ANKEF1: variants seen among roughly 807,000 people sequenced by gnomAD.
ANKEF1 encodes ankyrin repeat and EF-hand domain-containing protein 1.
In ANKEF1, 43 loss-of-function variants were observed where a neutral mutation model predicts 65.1. The observed-to-expected ratio is 0.66, with a 90% CI of 0.52 to 0.85. ANKEF1 has a LOEUF of 0.85. Ranked by LOEUF, ANKEF1 falls within the 40% of genes least tolerant of loss-of-function variation. The probability of loss-of-function intolerance (pLI) is 0.00; values close to 1 mark genes in which losing one functional copy is unlikely to be tolerated. For missense variants in ANKEF1, 934 were observed against 952.9 expected (o/e 0.98, Z 0.26); for synonymous variants, 316 against 341.5 (o/e 0.93, Z 0.82).
chr20:10,048,718 G>A (rs1984661536), intron 6 of ANKEF1, among the ~76,000 whole-genome samples: 1 of 152,026 alleles, frequency 6.6e-6, no homozygotes, highest in East Asian at 1.9e-4. Context: ...TATAAATGAT[G>A]TTGGAATCAT....
chr20:10,043,989 T>A, intron 4 of ANKEF1, among the ~76,000 whole-genome samples: 1 of 152,032 alleles, frequency 6.6e-6, no homozygotes, highest in Non-Finnish European at 1.5e-5. Context: ...TCACTCTCCT[T>A]ATTTTGAGTT....
At position 10,055,742 on chromosome 20, in the gene ANKEF1, C is replaced by G; in HGVS notation, c.*82C>G. 7.0e-7 allele frequency: 1 copy of G among 1,434,586 alleles called. No homozygotes were observed. Among genetic ancestry groups the G allele is most frequent in the Non-Finnish European group, 9.7e-7 (1 of 1,030,150 alleles). 88.9% of individuals were successfully genotyped at this position (1,434,586 alleles called of 1,614,324 possible). Reference sequence around the variant, plus strand: ...AGAAAGTAGATATTTCCATCAAAGCCAAAGCAATCCATACACCAAGAACTT... The same window carrying G: ...AGAAAGTAGATATTTCCATCAAAGCGAAAGCAATCCATACACCAAGAACTT... On this transcript the variant is annotated 3_prime_UTR_variant, in exon 11 of 11. Transcript: ENST00000378392.
rs755340707 is a variant in ANKEF1, at chr20:10,049,818, G to GA, written c.1254dup (p.Gly419ArgfsTer22). The GA allele has an allele frequency of 3.1e-6, 5 of 1,614,032 alleles. No individual in the cohort carries two copies. Among genetic ancestry groups the GA allele is most frequent in the Non-Finnish European group, 4.2e-6 (5 of 1,179,976 alleles). ...AGGATCGTATGGACCTAAGAAAAAG[G>GA]AAAAAGGGATGGGCAAAAAAGGAAA... On this transcript the variant is annotated frameshift_variant, in exon 7 of 11. Transcript: ENST00000378392. LOFTEE classifies it high-confidence loss of function.
intron 3 of ANKEF1, among the ~76,000 whole-genome samples, chr20:10,038,944 A>G (rs1190448503): frequency 1.3e-5 from 2 of 152,236 alleles, no homozygotes; most frequent in Non-Finnish European, 2.9e-5. Context: ...ATTATTCATT[A>G]TAAATTATAA....
intron 2 of ANKEF1, among the ~76,000 whole-genome samples, chr20:10,036,619 A>G (rs1173133537): frequency 6.6e-6 from 1 of 152,172 alleles, no homozygotes; most frequent in Non-Finnish European, 1.5e-5. Flanking sequence ...AGGCGGGTGG[A>G]TCACCTGAGG....
At chr20:10,053,555 G>A (rs1165801491) in intron 9 of ANKEF1, among the ~76,000 whole-genome samples, 3 of 152,092 alleles carry the variant, frequency 2.0e-5, no homozygotes, top group African/African-American at 7.2e-5. Context: ...AACCAAAACT[G>A]GTGTTGGATT....
Position 10,049,982 on chromosome 20 carries a change from T to G in ANKEF1, c.1413T>G (p.Asp471Glu). 6.2e-7 allele frequency: 1 copy of G among 1,614,086 alleles called. No individual in the cohort carries two copies. The highest frequency in any genetic ancestry group is 8.5e-7 in the Non-Finnish European group (1 of 1,179,970). The part of the protein sequence containing the change: ...NVTDSSRFNR[D>E]HPPEHPIQDD... ...CTGATAGCAGCCGGTTTAATAGAGA[T>G]CATCCCCCAGAACATCCCATTCAGG... Residue 471 changes from aspartate (D) to glutamate (E), a missense_variant, in exon 7 of 11, where the codon GAT becomes GAG. Asp to Glu is a conservative substitution (Grantham distance 45, BLOSUM62 2). Coordinates refer to ENST00000378392, the MANE Select transcript of ANKEF1 (RefSeq NM_022096.6).
intron 4 of ANKEF1, 33 bp downstream of exon 4, chr20:10,043,354 T>G: frequency 6.3e-7 from 1 of 1,583,120 alleles, no homozygotes; most frequent in Non-Finnish European, 8.7e-7. Context: ...AAATATTTCT[T>G]GTTTCAATTA....
chr20:10,054,432 A>T, intron 9 of ANKEF1, 30 bp from the exon 10 acceptor site: 5 of 1,502,150 alleles, frequency 3.3e-6, no homozygotes, highest in Non-Finnish European at 4.4e-6. Context: ...AGATTTTTAC[A>T]ATTTATAATT....
In ANKEF1 at chr20:10,054,579, A is replaced by G. The variant is rs756593396; in HGVS notation, c.2152A>G (p.Ile718Val). 1 of 1,608,378 alleles carries G rather than the reference A, an allele frequency of 6.2e-7. No individual in the cohort carries two copies. Among genetic ancestry groups the G allele is most frequent in the East Asian group, 2.2e-5 (1 of 44,636 alleles). Residue 718 changes from isoleucine (I) to valine (V), a missense_variant, in exon 10 of 11, where the codon ATC becomes GTC. Physicochemically the swap from Ile to Val is conservative, Grantham distance 29 (BLOSUM62 3). Transcript: ENST00000378392. ...ITSGYTKKVD[I>V]TFIPRRIWSP... ...CAGTGGTTATACTAAGAAAGTGGAT[A>G]TCACATTTATTCCACGGAGGGTAAG...
At chr20:10,043,560 A>C (rs549541746) in intron 4 of ANKEF1, among the ~76,000 whole-genome samples, 1 of 152,074 alleles carries the variant, frequency 6.6e-6, no homozygotes, top group African/African-American at 2.4e-5. Context: ...CATTATAGGA[A>C]ATAGTAAAAA....
At chr20:10,038,107 A>G (rs1442565293) in intron 2 of ANKEF1, among the ~76,000 whole-genome samples, 151 bp from the exon 3 acceptor site, 2 of 152,246 alleles carry the variant, frequency 1.3e-5, no homozygotes, top group African/African-American at 4.8e-5. Flanking sequence ...ATGCCCACTC[A>G]ATATTTTTGA....
chr20:10,051,717 C>T lies in ANKEF1; in HGVS notation c.1698C>T (p.Cys566=), dbSNP rs1423826911. The T allele has an allele frequency of 6.2e-7, 1 of 1,613,618 alleles. No homozygotes were observed. Among genetic ancestry groups the T allele is most frequent in the Non-Finnish European group, 8.5e-7 (1 of 1,179,814 alleles). Residue 566 remains cysteine, a synonymous_variant, in exon 8 of 11, where the codon TGC becomes TGT. Coordinates refer to ENST00000378392, the MANE Select transcript of ANKEF1 (RefSeq NM_022096.6). ...TGTGGACTCCACTTCATTTTGCATG[C>T]CATGCAGGCCAACAAGACATTGTTG... ...NFLWTPLHFA[C]HAGQQDIVEL... is the part of the protein sequence containing the mutation.
At position 10,054,699 on chromosome 20, in the gene ANKEF1, T is replaced by C. The variant is rs1006671545; in HGVS notation, c.2172+100T>C. ...AATATCCAAACAAATCTGCACAGTT[T>C]GTCTTTCATAGTTACTACTTGTGAA... On this transcript the variant is annotated intron_variant, in intron 10 of 10. Coordinates refer to ENST00000378392, the MANE Select transcript of ANKEF1 (RefSeq NM_022096.6). The C allele has an allele frequency of 4.9e-5, 62 of 1,267,964 alleles. No homozygotes were observed. The East Asian group carries it at 1.6e-3, about 33-fold the overall frequency. 78.5% of individuals were successfully genotyped at this position (1,267,964 alleles called of 1,614,324 possible).
At chr20:10,043,076 T>C (rs778860842) in intron 3 of ANKEF1, 46 bp from the exon 4 acceptor site, 59 of 1,561,034 alleles carry the variant, frequency 3.8e-5, no homozygotes, top group Non-Finnish European at 4.5e-5. Flanking sequence ...TCCTGTCAAA[T>C]ATGTATAGAT....
intron 4 of ANKEF1, among the ~76,000 whole-genome samples, chr20:10,043,652 C>CTTTTTTTTTT (rs374135080): frequency 2.5e-5 from 2 of 81,374 alleles, no homozygotes; most frequent in African/African-American, 5.1e-5. Context: ...TTTTCTTTTC[C>CTTTTTTTTTT]TTTTTTTTTT....
At chr20:10,048,648 TG>T (rs1351725569) in intron 6 of ANKEF1, among the ~76,000 whole-genome samples, 1 of 152,210 alleles carries the variant, frequency 6.6e-6, no homozygotes, top group Non-Finnish European at 1.5e-5. Context: ...ACAGCCTTTT[TG>T]GTAGCACTAA....
chr20:10,049,434 G>T lies in ANKEF1; in HGVS notation c.865G>T (p.Ala289Ser). Residue 289 changes from alanine to serine, a missense_variant, in exon 7 of 11, where the codon GCT becomes TCT. Ala to Ser is a moderately conservative substitution (Grantham distance 99). Transcript: ENST00000378392. ...GAATTTAGATCATAAAACGCCCAGG[G>T]CTGTGGCTAAGGAAGGCGGCTTCAA... ...WKNLDHKTPR[A>S]VAKEGGFKAA... The T allele has an allele frequency of 6.2e-7, 1 of 1,614,090 alleles. No homozygotes were observed. Among genetic ancestry groups the T allele is most frequent in the Non-Finnish European group, 8.5e-7 (1 of 1,179,976 alleles).
Position 10,035,031 on chromosome 20 carries a change from C to T in ANKEF1, c.-411C>T, listed in dbSNP as rs113024248. The T allele has an allele frequency of 0.2, 29,915 of 153,122 alleles. 3,191 individuals are homozygous for T. Among genetic ancestry groups the T allele is most frequent in the African/African-American group, 0.27 (11,398 of 41,542 alleles). 9.5% of individuals were successfully genotyped at this position (153,122 alleles called of 1,614,324 possible). A position where few individuals can be genotyped will look rare whatever the true frequency, so the allele number is the denominator to read the frequency against. ...GCGTGGCGGAAGCTCACAATCAGCC[C>T]GGTCCCTCCGGCTTCCACCCCGCCC... is the stretch of plus-strand genomic sequence containing the variant. On this transcript the variant is annotated 5_prime_UTR_variant, in exon 1 of 11. Transcript: ENST00000378392.
Sources: gnomAD v4.1 joint callset for allele counts (sites outside exome capture counted in the v4.1 genomes callset) on GRCh38, gnomAD v4.1.1 for gene constraint, MANE v1.5 for transcripts, NCBI Gene and HGNC (gene_info 2026-07-23, HGNC 2026-07-21) for gene names.